Variants in RBFOX1 observed in about 807,000 individuals in gnomAD.
RBFOX1 encodes RNA binding protein fox-1 homolog 1.
In RBFOX1, 8 loss-of-function variants were observed where a neutral mutation model predicts 57.7. That is an observed-to-expected ratio of 0.14 (90% confidence interval 0.08 to 0.25). The LOEUF (loss-of-function observed/expected upper bound fraction) is 0.25. RBFOX1 is among the 10% of genes least tolerant of loss of function. RBFOX1 has a pLI of 1.00. For synonymous variants in RBFOX1, 326 were observed against 222.4 expected (o/e 1.47, Z -4.15); for missense variants, 611 against 548.5 (o/e 1.11, Z -1.14).
At chr16:7,020,206 C>G (rs993991696) in intron 3 of RBFOX1, among the ~76,000 whole-genome samples, 9 of 151,398 alleles carry the variant, frequency 5.9e-5, no homozygotes, top group Admixed American at 1.3e-4. Context: ...TCTTTTTTTT[C>G]TTTGTTTCTT....
At chr16:6,078,877 A>T (rs1314913460) in intron 1 of RBFOX1, among the ~76,000 whole-genome samples, 1 of 152,180 alleles carries the variant, frequency 6.6e-6, no homozygotes, top group East Asian at 1.9e-4. Flanking sequence ...CTATCTGAAA[A>T]CTGTGCATGG....
intron 3 of RBFOX1, among the ~76,000 whole-genome samples, chr16:5,767,625 G>T (rs978501034): frequency 1.3e-5 from 2 of 152,082 alleles, no homozygotes; most frequent in Non-Finnish European, 2.9e-5. Flanking sequence ...GGACACAACG[G>T]GATTTGCCAG....
chr16:6,967,342 G>C lies in RBFOX1; in HGVS notation c.-15-84715G>C, dbSNP rs140115281. Among the ~76,000 whole-genome samples the C allele has an allele frequency of 2.5e-3, 374 of 152,218 alleles. 5 individuals are homozygous for C. Among genetic ancestry groups the C allele is most frequent in the East Asian group, 0.023 (117 of 5,158 alleles). ...ATACATCCATCCATCTACCAGCAGT[G>C]GGGTTGGCTCTCATGTTCCTTGAGC... On this transcript the variant is annotated intron_variant, in intron 3 of 15. Transcript: ENST00000550418.
At position 7,063,965 on chromosome 16, in the gene RBFOX1, C is replaced by A. The variant is rs532812710; in HGVS notation, c.27+11867C>A. ...TCGCAGGAAGTCTTGACACCAAGGT[C>A]CATGGATATGGAGGAACAACTATAC... On this transcript the variant is annotated intron_variant, in intron 4 of 15. Transcript: ENST00000550418. Among the ~76,000 whole-genome samples the A allele has an allele frequency of 4.6e-5, 7 of 152,198 alleles. No individual in the cohort carries two copies. In the South Asian group the frequency reaches 1.5e-3, roughly 32 times the overall value.
At position 7,464,889 on chromosome 16, in the gene RBFOX1, G is replaced by C. The variant is rs535358109; in HGVS notation, c.28-53258G>C. On this transcript the variant is annotated intron_variant, in intron 4 of 15. Transcript: ENST00000550418. ...TTTTTTTGTATTTTTAGTAGAGACG[G>C]GGTTTCACCGTGTTAGCCAGGATGG... is the stretch of plus-strand genomic sequence containing the variant. Among the ~76,000 whole-genome samples the C allele has an allele frequency of 8.6e-5, 13 of 151,712 alleles. No individual in the cohort carries two copies. The South Asian group carries it at 2.5e-3, about 29-fold the overall frequency.
At chr16:5,569,682 A>C (rs1370656012) in intron 2 of RBFOX1, among the ~76,000 whole-genome samples, 1 of 151,892 alleles carries the variant, frequency 6.6e-6, no homozygotes, top group African/African-American at 2.4e-5. Context: ...CATTTCTCTT[A>C]ACCACTCAGC....
chr16:5,926,062 C>G (rs1352834333), intron 4 of RBFOX1, among the ~76,000 whole-genome samples: 3 of 152,140 alleles, frequency 2.0e-5, no homozygotes, highest in Non-Finnish European at 4.4e-5. Flanking sequence ...TGACTGTTAG[C>G]TGGGAGTTGG....
intron 3 of RBFOX1, among the ~76,000 whole-genome samples, chr16:5,815,984 C>A (rs1156760205): frequency 6.6e-6 from 1 of 152,068 alleles, no homozygotes; most frequent in African/African-American, 2.4e-5. Flanking sequence ...TTACAGCCCC[C>A]AGGTATACAA....
At chr16:5,864,125 G>C (rs1277022905) in intron 3 of RBFOX1, among the ~76,000 whole-genome samples, 2 of 152,166 alleles carry the variant, frequency 1.3e-5, no homozygotes, top group Non-Finnish European at 2.9e-5. Flanking sequence ...TCATCATTTA[G>C]CTCCAACTTC....
intron 3 of RBFOX1, among the ~76,000 whole-genome samples, chr16:6,954,272 T>G (rs948372869): frequency 2.6e-5 from 4 of 152,170 alleles, no homozygotes; most frequent in Admixed American, 6.5e-5. Context: ...GTAGCGATTC[T>G]GGTCATCTCG....
intron 2 of RBFOX1, among the ~76,000 whole-genome samples, chr16:6,621,901 T>TA (rs886170691): frequency 1.3e-4 from 19 of 151,274 alleles, no homozygotes; most frequent in Non-Finnish European, 2.4e-4. Context: ...TGACATGATT[T>TA]AAAAAAAAAG....
Position 6,585,567 on chromosome 16 carries a change from A to T in RBFOX1, c.-63-69036A>T, listed in dbSNP as rs1420066. Among the ~76,000 whole-genome samples the T allele has an allele frequency of 1.1e-4, 16 of 152,156 alleles. No individual in the cohort carries two copies. The East Asian group carries it at 3.1e-3, about 30-fold the overall frequency. Reference sequence around the variant, plus strand: ...TGTGACTTTGAGATCTGTTTAATTCACTGCGGTGGGCTGGGTAGGACTCTT... The same window carrying T: ...TGTGACTTTGAGATCTGTTTAATTCTCTGCGGTGGGCTGGGTAGGACTCTT... On this transcript the variant is annotated intron_variant, in intron 2 of 15. Coordinates refer to ENST00000550418, the MANE Select transcript of RBFOX1 (RefSeq NM_018723.4).
rs570444343 is a variant in RBFOX1, at chr16:5,567,557, A to G, written c.259-31345A>G. Among the ~76,000 whole-genome samples, 10 of 151,584 alleles carry G rather than the reference A, an allele frequency of 6.6e-5. 2 individuals carry two copies. The Middle Eastern group carries it at 0.024, about 361-fold the overall frequency. On this transcript the variant is annotated intron_variant, in intron 2 of 2. Transcript: ENST00000585867. ...TTTTTTGTACTAGGCTTTACATTAG[A>G]AACAGGGCTAATTTCTATGTCTGTG...
At chr16:7,126,343 G>A (rs772117227) in intron 4 of RBFOX1, 8 of 268,632 alleles carry the variant, frequency 3.0e-5, no homozygotes, top group Admixed American at 1.2e-4. Context: ...GGTCTAAATC[G>A]AGGTGGGGGT....
chr16:5,530,936 A>T (rs1283831035), intron 2 of RBFOX1, among the ~76,000 whole-genome samples: 21 of 10,536 alleles, frequency 2.0e-3, no homozygotes, highest in East Asian at 0.045. Flanking sequence ...AAAAATATAA[A>T]AAAAAAAAAA....
intron 4 of RBFOX1, among the ~76,000 whole-genome samples, chr16:7,109,033 C>T (rs905346884): frequency 4.6e-5 from 7 of 152,034 alleles, no homozygotes; most frequent in Non-Finnish European, 1.0e-4. Context: ...ATACGTGCAG[C>T]ATAGGAAAAT....
chr16:7,100,326 G>C (rs1411598788), intron 4 of RBFOX1, among the ~76,000 whole-genome samples: 1 of 151,906 alleles, frequency 6.6e-6, no homozygotes, highest in Non-Finnish European at 1.5e-5. Flanking sequence ...GTCATATTTG[G>C]ACATTATGAA....
chr16:7,562,340 C>T (rs2090583497), intron 5 of RBFOX1, among the ~76,000 whole-genome samples: 1 of 152,112 alleles, frequency 6.6e-6, no homozygotes, highest in African/African-American at 2.4e-5. Flanking sequence ...CCCTGTAGTT[C>T]CTCTGGCTCT....
intron 1 of RBFOX1, among the ~76,000 whole-genome samples, chr16:6,197,185 TTTC>T: frequency 6.6e-6 from 1 of 152,272 alleles, no homozygotes; most frequent in East Asian, 1.9e-4. Context: ...ATACGTCTTA[TTTC>T]TTCTTCCTCT....
Sources: gnomAD v4.1 joint callset for allele counts (sites outside exome capture counted in the v4.1 genomes callset) on GRCh38, gnomAD v4.1.1 for gene constraint, MANE v1.5 for transcripts, NCBI Gene and HGNC (gene_info 2026-07-23, HGNC 2026-07-21) for gene names.